Variants in EIF4ENIF1 observed in about 807,000 individuals in gnomAD.
The protein encoded by EIF4ENIF1 is eukaryotic translation initiation factor 4E transporter.
A neutral mutation model predicts 110.5 loss-of-function variants in EIF4ENIF1; 23 were observed. That is an observed-to-expected ratio of 0.21 (90% CI 0.15 to 0.29). EIF4ENIF1 has a LOEUF of 0.29. Ranked by LOEUF, EIF4ENIF1 falls within the 10% of genes least tolerant of loss-of-function variation. EIF4ENIF1 has a pLI of 1.00. For synonymous variants in EIF4ENIF1, 440 were observed against 437.0 expected (o/e 1.01, Z -0.09); for missense variants, 1,031 against 1,221.1 (o/e 0.84, Z 2.32).
At chr22:31,476,525 AAGAG>A (rs1468236125) in intron 2 of EIF4ENIF1, among the ~76,000 whole-genome samples, 1 of 152,214 alleles carries the variant, frequency 6.6e-6, no homozygotes, top group Admixed American at 6.6e-5. Flanking sequence ...TAGGAGGCTA[AAGAG>A]AGAGGACAAC....
intron 11 of EIF4ENIF1, 49 bp downstream of exon 11, chr22:31,450,240 A>G (rs1355532933): frequency 6.6e-7 from 1 of 1,517,646 alleles, no homozygotes; most frequent in Non-Finnish European, 9.1e-7. Context: ...ACTGGTTCAG[A>G]AGACTACTGT....
chr22:31,487,877 T>A (rs1261042045), intron 2 of EIF4ENIF1, among the ~76,000 whole-genome samples: 1 of 150,934 alleles, frequency 6.6e-6, no homozygotes, highest in Non-Finnish European at 1.5e-5. Context: ...CTTCTTGTCA[T>A]CAGTGGTCCC....
chr22:31,444,089 C>T (rs1000541383), intron 15 of EIF4ENIF1, among the ~76,000 whole-genome samples: 3 of 152,152 alleles, frequency 2.0e-5, no homozygotes, highest in African/African-American at 4.8e-5. Flanking sequence ...TGAGCCACCA[C>T]GCCCAGCTGG....
chr22:31,442,082 T>C lies in EIF4ENIF1; in HGVS notation c.2243A>G (p.Asp748Gly), dbSNP rs1386503972. 6.2e-7 allele frequency: 1 copy of C among 1,613,986 alleles called. No homozygotes were observed. The highest frequency in any genetic ancestry group is 2.2e-5 in the East Asian group (1 of 44,890). ...LLSSSSVPSA[D>G]RDSSPTTNSK... The stretch of plus-strand genomic sequence containing the variant: ...ATTTGTAGTGGGAGAAGAGTCTCGA[T>C]CGGCACTGGGTACAGAGCTGGATGA... Residue 748 changes from aspartate (D) to glycine (G), a missense_variant, in exon 17 of 19, where the codon GAT becomes GGT. Physicochemically the swap from Asp to Gly is moderately conservative, Grantham distance 94. Around this residue, in one of 3 missense-constraint regions of EIF4ENIF1, gnomAD observed 309 missense variants for 299.1 expected, o/e 1.03. Transcript: ENST00000330125.
At chr22:31,481,441 A>G (rs2051813221) in intron 2 of EIF4ENIF1, among the ~76,000 whole-genome samples, 1 of 152,002 alleles carries the variant, frequency 6.6e-6, no homozygotes. Context: ...TCATACCATA[A>G]TTCTACCTTC....
downstream of EIF4ENIF1, chr22:31,437,656 T>TC (rs1418865359): frequency 6.6e-6 from 1 of 152,164 alleles, no homozygotes; most frequent in African/African-American, 2.4e-5. Context: ...AGGAAGCCTT[T>TC]ACTAGCAGCT....
At chr22:31,450,681 A>T in intron 10 of EIF4ENIF1, 1 of 307,422 alleles carries the variant, frequency 3.3e-6, no homozygotes, top group Non-Finnish European at 6.3e-6. Flanking sequence ...ACTTGAGATA[A>T]CTCTTGCTAC....
intron 4 of EIF4ENIF1, 109 bp from the exon 5 acceptor site, chr22:31,464,076 G>A (rs1011264407): frequency 1.4e-6 from 2 of 1,412,298 alleles, no homozygotes; most frequent in African/African-American, 1.4e-5. Context: ...TTGGAAGAGA[G>A]TCACCACTAA....
chr22:31,493,001 A>G (rs2052297211), upstream of EIF4ENIF1, among the ~76,000 whole-genome samples: 1 of 151,574 alleles, frequency 6.6e-6, no homozygotes, highest in Non-Finnish European at 1.5e-5. Flanking sequence ...AAGTGCTGGG[A>G]TTACAGGCAT....
At chr22:31,446,405 GCTCT>G (rs527682506) in intron 14 of EIF4ENIF1, among the ~76,000 whole-genome samples, 1 of 152,062 alleles carries the variant, frequency 6.6e-6, no homozygotes, top group Non-Finnish European at 1.5e-5. Context: ...CCAGTCTGGA[GCTCT>G]CTGTTTCGGT....
intron 10 of EIF4ENIF1, chr22:31,450,769 T>C (rs557858309): frequency 2.5e-5 from 6 of 238,760 alleles, no homozygotes; most frequent in South Asian, 1.6e-4. Flanking sequence ...CATATATACA[T>C]ACATATATAC....
At chr22:31,464,803 C>G (rs1172544344) in intron 4 of EIF4ENIF1, among the ~76,000 whole-genome samples, 8 of 133,392 alleles carry the variant, frequency 6.0e-5, no homozygotes, top group Non-Finnish European at 1.1e-4. Context: ...ATTTCTAGAA[C>G]AAAATATAGG....
At chr22:31,492,380 C>T (rs1421777524), upstream of EIF4ENIF1, among the ~76,000 whole-genome samples, 9 of 152,180 alleles carry the variant, frequency 5.9e-5, no homozygotes, top group Non-Finnish European at 1.3e-4. Flanking sequence ...TGTTTTAAAC[C>T]ACCACAAGCC....
intron 15 of EIF4ENIF1, among the ~76,000 whole-genome samples, chr22:31,443,874 A>T (rs1422513856): frequency 2.1e-5 from 3 of 145,820 alleles, no homozygotes; most frequent in Non-Finnish European, 3.0e-5. Flanking sequence ...GGCTCACTGC[A>T]ACCTCTGCCT....
intron 10 of EIF4ENIF1, among the ~76,000 whole-genome samples, chr22:31,451,555 T>G (rs912090872): frequency 3.9e-5 from 6 of 152,222 alleles, no homozygotes; most frequent in Admixed American, 1.3e-4. Context: ...ATTACAGGCA[T>G]GAGCCACCGC....
chr22:31,443,806 C>CTTTTT (rs386395221), intron 15 of EIF4ENIF1, among the ~76,000 whole-genome samples: 1 of 129,164 alleles, frequency 7.7e-6, no homozygotes, highest in Non-Finnish European at 1.6e-5. Context: ...GGGAATGAAC[C>CTTTTT]TTTTTTTTTT....
At position 31,463,688 on chromosome 22, in the gene EIF4ENIF1, C is replaced by T; in HGVS notation, c.578G>A (p.Arg193His). ...AAAAAAAAAAAGACAAACCCTGAAA[C>T]GCTTGTCCTTGAAGTCCCTCTCTCG... Reference protein sequence around the residue: ...RDRERDFKDKRFRREFGDSKR... With the variant: ...RDRERDFKDKHFRREFGDSKR... The change falls in exon 5 of 19, where the codon CGT becomes CAT. Residue 193 changes from arginine (R) to histidine (H), a missense_variant. Physicochemically the swap from Arg to His is conservative, Grantham distance 29. Coordinates refer to ENST00000330125, the MANE Select transcript of EIF4ENIF1 (RefSeq NM_019843.4). 6.3e-6 allele frequency: 10 copies of T among 1,578,600 alleles called. No homozygotes were observed. The highest frequency in any genetic ancestry group is 3.4e-5 in the South Asian group (3 of 87,468).
At chr22:31,490,963 G>A (rs371289487), upstream of EIF4ENIF1, among the ~76,000 whole-genome samples, 1 of 152,340 alleles carries the variant, frequency 6.6e-6, no homozygotes, top group East Asian at 1.9e-4. Flanking sequence ...CCCTTCTTGT[G>A]AATCTTGGCA....
chr22:31,454,084 G>T, intron 10 of EIF4ENIF1, 60 bp downstream of exon 10: 2 of 1,453,480 alleles, frequency 1.4e-6, no homozygotes, highest in Non-Finnish European at 1.9e-6. Flanking sequence ...CTTTTATTGT[G>T]GTGGGAAAAA....
Sources: allele counts gnomAD v4.1 joint callset (sites outside exome capture counted in the v4.1 genomes callset), GRCh38; gene constraint gnomAD v4.1.1; regional missense constraint gnomAD v4.1.1; transcripts MANE v1.5; gene names NCBI Gene and HGNC (gene_info 2026-07-23, HGNC 2026-07-21).